The following CPSF1 variants were observed in gnomAD, a reference collection of about 807,000 sequenced individuals.
The protein encoded by CPSF1 is cleavage and polyadenylation specificity factor subunit 1.
A neutral mutation model predicts 175.8 loss-of-function variants in CPSF1; 106 were observed. The ratio of observed to expected loss-of-function variants is 0.60; its 90% CI spans 0.52 to 0.71. The LOEUF (loss-of-function observed/expected upper bound fraction) is 0.71, where lower values mean the gene tolerates loss of function less well. Ranked by LOEUF, CPSF1 falls within the 30% of genes least tolerant of loss-of-function variation. The pLI is 0.00. For missense variants in CPSF1, 1,734 were observed against 2,022.9 expected, an observed-to-expected ratio of 0.86 and a Z score of 2.74; for synonymous variants, 1,024 against 858.3, an observed-to-expected ratio of 1.19 and a Z score of -3.37.
intron 36 of CPSF1, 31 bp downstream of exon 36, chr8:144,393,636 G>T (rs1554862225): frequency 6.3e-7 from 1 of 1,582,796 alleles, no homozygotes; most frequent in Non-Finnish European, 8.5e-7. Flanking sequence ...GGGTGGAGGG[G>T]GTGCTGCACG....
intron 9 of CPSF1, 31 bp downstream of exon 9, chr8:144,400,135 G>GGGGGGGCC: frequency 4.5e-6 from 4 of 895,952 alleles, no homozygotes; most frequent in Non-Finnish European, 6.4e-6. Flanking sequence ...CCGTCCCCGG[G>GGGGGGGCC]CCCCCCCCGC....
In CPSF1 at chr8:144,400,089, T is replaced by C. The variant is rs2116869928; in HGVS notation, c.938-4A>G. ...ATCCGCACACCCTCCTGGGTGCCTG[T>C]GGGGTGGGTGGTCAGGCCGACTAGG... is the stretch of plus-strand genomic sequence containing the variant. On this transcript the variant is annotated splice_polypyrimidine_tract_variant and splice_region_variant and intron_variant, in intron 9 of 37. Coordinates refer to ENST00000616140, the MANE Select transcript of CPSF1 (RefSeq NM_013291.3). 20 of 1,560,484 alleles carry C rather than the reference T, an allele frequency of 1.3e-5. No individual in the cohort carries two copies. The highest frequency in any genetic ancestry group is 3.7e-5 in the Admixed American group (2 of 54,066).
At position 144,401,470 on chromosome 8, in the gene CPSF1, G is replaced by A. The variant is rs1554867122; in HGVS notation, c.266C>T (p.Ala89Val). The change falls in exon 4 of 38, where the codon GCC (alanine) becomes GTC (valine). Residue 89 changes from alanine to valine, a missense_variant. Coordinates refer to ENST00000616140, the MANE Select transcript of CPSF1 (RefSeq NM_013291.3). Reference protein sequence around the residue: ...MSMASVQLAGAKRDALLLSFK... With the variant: ...MSMASVQLAGVKRDALLLSFK... ...GCTTAGGAGCAGGGCATCCCGCTTG[G>A]CTCCTGCCAGCTGCACGCTGGCCAT... 1 of 1,614,022 alleles carries A rather than the reference G, an allele frequency of 6.2e-7. No homozygotes were observed. The highest frequency in any genetic ancestry group is 2.2e-5 in the East Asian group (1 of 44,878).
At chr8:144,396,564 T>C (rs782424034) in intron 25 of CPSF1, 34 bp downstream of exon 25, 22 of 1,609,178 alleles carry the variant, frequency 1.4e-5, no homozygotes, top group Non-Finnish European at 1.9e-5. Context: ...GCGTCTCCCT[T>C]CTACCACAGA....
At position 144,397,892 on chromosome 8, in the gene CPSF1, G is replaced by C; in HGVS notation, c.2074-13C>G. 1 of 1,601,240 alleles carries C rather than the reference G, an allele frequency of 6.2e-7. No homozygotes were observed. The highest frequency in any genetic ancestry group is 8.5e-7 in the Non-Finnish European group (1 of 1,172,908). The stretch of plus-strand genomic sequence containing the variant: ...TCACCTTGGACTGCTGCGGGGAGAG[G>C]GGTGGGCTCAGCGGCGGGCAAGGGG... On this transcript the variant is annotated splice_polypyrimidine_tract_variant and intron_variant, in intron 20 of 37. Transcript: ENST00000616140.
intron 2 of CPSF1, among the ~76,000 whole-genome samples, chr8:144,403,920 T>G (rs2116896449): frequency 1.3e-5 from 2 of 151,572 alleles, no homozygotes; most frequent in Non-Finnish European, 2.9e-5. Context: ...ACATTACAAG[T>G]TTTCCCTTTT....
rs781796308 is a variant in CPSF1 at position 144,393,815 on chromosome 8, G to A, written c.4016-19C>T. 12 of 1,600,712 alleles carry A rather than the reference G, an allele frequency of 7.5e-6. No individual in the cohort carries two copies. In the African/African-American group the frequency reaches 9.4e-5, roughly 12 times the overall value. ...AGGGTGGCTGGCAGGGGTAGGGTGA[G>A]GGTTTTGGTGTGAGCCAGGCCAACC... On this transcript the variant is annotated intron_variant, in intron 35 of 37. Coordinates refer to ENST00000616140, the MANE Select transcript of CPSF1 (RefSeq NM_013291.3).
intron 2 of CPSF1, 148 bp from the exon 3 acceptor site, chr8:144,401,821 G>C (rs1402348887): frequency 1.2e-6 from 1 of 860,380 alleles, no homozygotes; most frequent in Non-Finnish European, 1.8e-6. Flanking sequence ...GGCTTCTGGA[G>C]ACAGCTGTGC....
chr8:144,396,994 G>A, intron 23 of CPSF1, 65 bp from the exon 24 acceptor site: 1 of 1,244,386 alleles, frequency 8.0e-7, no homozygotes, highest in Non-Finnish European at 1.2e-6. Context: ...ATGGGCCATG[G>A]GAAGAGGTGG....
chr8:144,405,351 C>T (rs1045712546), intron 2 of CPSF1, among the ~76,000 whole-genome samples: 1 of 152,022 alleles, frequency 6.6e-6, no homozygotes. Flanking sequence ...GGCCGGGCTC[C>T]GTGGCTCACA....
intron 23 of CPSF1, 122 bp downstream of exon 23, chr8:144,397,085 C>T: frequency 9.7e-7 from 1 of 1,029,318 alleles, no homozygotes; most frequent in Non-Finnish European, 1.4e-6. Flanking sequence ...TGGGGTGGAG[C>T]CACGGGAAGG....
Position 144,398,031 on chromosome 8 carries a change from TGACG to T in CPSF1, c.1992_1995del (p.His664GlnfsTer6). ...GAGTCACTCTTCAGCAGGAACATGG[TGACG>T]TGGCCCTCGGCACTCATGATGACCA... is the stretch of plus-strand genomic sequence containing the variant. On this transcript the variant is annotated frameshift_variant, in exon 20 of 38. Transcript: ENST00000616140. LOFTEE classifies it high-confidence loss of function. The T allele has an allele frequency of 6.2e-7, 1 of 1,612,236 alleles. No homozygotes were observed. The highest frequency in any genetic ancestry group is 8.5e-7 in the Non-Finnish European group (1 of 1,179,690).
Position 144,401,689 on chromosome 8 carries a change from A to G in CPSF1, c.145-16T>C, listed in dbSNP as rs2116886767. 1 of 1,601,604 alleles carries G rather than the reference A, an allele frequency of 6.2e-7. No individual in the cohort carries two copies. The highest frequency in any genetic ancestry group is 1.1e-5 in the South Asian group (1 of 89,256). On this transcript the variant is annotated splice_polypyrimidine_tract_variant and intron_variant, in intron 2 of 37. Coordinates refer to ENST00000616140, the MANE Select transcript of CPSF1 (RefSeq NM_013291.3). ...TGGTCAGAGCCTGGAGGGGAGAGAA[A>G]GACAGGGCAGTGAGGGGCCACATCT...
Position 144,399,415 on chromosome 8 carries a change from T to A in CPSF1, c.1294+37A>T. The A allele has an allele frequency of 6.2e-7, 1 of 1,612,784 alleles. No homozygotes were observed. The highest frequency in any genetic ancestry group is 8.5e-7 in the Non-Finnish European group (1 of 1,179,892). On this transcript the variant is annotated intron_variant, in intron 13 of 37. Transcript: ENST00000616140. This position sits in a 1 kb window ranked among gnomAD's most constrained non-coding sequence, Gnocchi z 6.4. ...CACTTGAGCGCAGCCCTGGGTCACC[T>A]GGCCCCGCTCCTGACCAGCCCTGGA...
chr8:144,401,326 G>A, intron 4 of CPSF1, 35 bp from the exon 5 acceptor site: 2 of 1,597,482 alleles, frequency 1.3e-6, no homozygotes, highest in Non-Finnish European at 1.7e-6. Context: ...GCTGCCGACT[G>A]CCGGTCCTGA....
chr8:144,408,435 C>G (rs1349398250), intron 2 of CPSF1, among the ~76,000 whole-genome samples: 1 of 152,200 alleles, frequency 6.6e-6, no homozygotes, highest in Admixed American at 6.5e-5. Flanking sequence ...CTGTATTTCC[C>G]AAACCCTTGA....
rs1337976799 is a variant in CPSF1 at position 144,399,885 on chromosome 8, TTC to T, written c.1032-19_1032-18del. On this transcript the variant is annotated intron_variant, in intron 10 of 37. Coordinates refer to ENST00000616140, the MANE Select transcript of CPSF1 (RefSeq NM_013291.3). The surrounding 1 kb of genome is among the most constrained non-coding windows in gnomAD (Gnocchi z 6.4). The stretch of plus-strand genomic sequence containing the variant: ...AGCACGTAGCTGGGGGCAGGGAGAA[TTC>T]TGAGTCGGGGATGGGGACCCTGGGG... 3 of 1,556,078 alleles carry T rather than the reference TTC, an allele frequency of 1.9e-6. No homozygotes were observed. The highest frequency in any genetic ancestry group is 4.8e-5 in the East Asian group (2 of 41,394).
chr8:144,400,821 G>A lies in CPSF1; in HGVS notation c.540-4C>T, dbSNP rs542973815. The A allele has an allele frequency of 1.9e-6, 3 of 1,613,228 alleles. No homozygotes were observed. Among genetic ancestry groups the A allele is most frequent in the African/African-American group, 1.3e-5 (1 of 74,938 alleles). On this transcript the variant is annotated splice_polypyrimidine_tract_variant and splice_region_variant and intron_variant, in intron 6 of 37. Transcript: ENST00000616140. ...GGGCAGGAAGCTGGACCTCTGCCTG[G>A]GGGGCCAGGGGCTTCAGCAGGAGAG...
chr8:144,406,725 A>G (rs1332859655), intron 2 of CPSF1, among the ~76,000 whole-genome samples: 10 of 152,028 alleles, frequency 6.6e-5, no homozygotes, highest in African/African-American at 2.4e-4. Flanking sequence ...CCAGCGTCCA[A>G]GGCAGCACAA....
Sources: allele counts gnomAD v4.1 joint callset (sites outside exome capture counted in the v4.1 genomes callset), GRCh38; gene constraint gnomAD v4.1.1; non-coding constraint Gnocchi (gnomAD v3.1); transcripts MANE v1.5; gene names NCBI Gene and HGNC (gene_info 2026-07-23, HGNC 2026-07-21).